The following POLR1E variants were observed in gnomAD, a reference collection of about 807,000 sequenced individuals.
The protein encoded by POLR1E is RNA polymerase I subunit E, also known as DNA-directed RNA polymerase I subunit RPA49.
A neutral mutation model predicts 50.9 loss-of-function variants in POLR1E; 37 were observed. That is an observed-to-expected ratio of 0.73 (90% confidence interval 0.56 to 0.96). The LOEUF is 0.96. POLR1E is among the 40% of genes least tolerant of loss of function. The pLI is 0.00. For missense variants in POLR1E, 426 were observed against 518.1 expected, an observed-to-expected ratio of 0.82 and a Z score of 1.73; for synonymous variants, 166 against 191.6, an observed-to-expected ratio of 0.87 and a Z score of 1.10.
intron 5 of POLR1E, among the ~76,000 whole-genome samples, 190 bp from the exon 6 acceptor site, chr9:37,493,369 G>T (rs1264175309): frequency 6.6e-6 from 1 of 152,166 alleles, no homozygotes; most frequent in Non-Finnish European, 1.5e-5. Flanking sequence ...AGATGCTGTT[G>T]ATTGATCAAT....
At chr9:37,490,580 C>G (rs7045332) in intron 4 of POLR1E, 265,574 of 708,944 alleles carry the variant, frequency 0.37, 53,579 homozygotes, top group African/African-American at 0.66. Flanking sequence ...CTTTCTTCAC[C>G]CGTTTCATGA....
Position 37,503,680 on chromosome 9 carries a change from T to C in POLR1E, c.*478T>C, listed in dbSNP as rs942433979. 6.6e-6 allele frequency: 1 copy of C among 152,176 alleles called. No individual in the cohort carries two copies. Among genetic ancestry groups the C allele is most frequent in the African/African-American group, 2.4e-5 (1 of 41,428 alleles). The allele number at this position is 152,176 out of a possible 1,614,324, so 9.4% of individuals were successfully genotyped here. ...TGTCTTATGCAGAAATATAAAGCGA[T>C]GGCCAGGTTGGACTTCATCTCTCTC... On this transcript the variant is annotated 3_prime_UTR_variant, in exon 12 of 12. Coordinates refer to ENST00000377798, the MANE Select transcript of POLR1E (RefSeq NM_022490.4).
intron 4 of POLR1E, chr9:37,492,282 G>A: frequency 1.5e-6 from 2 of 1,292,250 alleles, no homozygotes; most frequent in Non-Finnish European, 2.0e-6. Context: ...CTGCTTTTAG[G>A]TCTTTCACCA....
chr9:37,501,920 G>T, intron 11 of POLR1E, 76 bp downstream of exon 11: 1 of 1,468,980 alleles, frequency 6.8e-7, no homozygotes. Context: ...AAAGCATGAG[G>T]CACCACCAAG....
chr9:37,501,560 G>C (rs1480787953), intron 10 of POLR1E, among the ~76,000 whole-genome samples, 153 bp from the exon 11 acceptor site: 5 of 152,222 alleles, frequency 3.3e-5, no homozygotes, highest in Non-Finnish European at 7.3e-5. Context: ...AGGAACCTTG[G>C]AAGGGCAAAG....
At chr9:37,498,462 TC>T (rs1820823302) in intron 9 of POLR1E, among the ~76,000 whole-genome samples, 1 of 152,226 alleles carries the variant, frequency 6.6e-6, no homozygotes, top group Non-Finnish European at 1.5e-5. Context: ...ATATGATAGT[TC>T]AGGGTCCTTC....
chr9:37,488,923 GA>G (rs1820626762), intron 3 of POLR1E, among the ~76,000 whole-genome samples: 1 of 152,104 alleles, frequency 6.6e-6, no homozygotes, highest in Non-Finnish European at 1.5e-5. Flanking sequence ...TGTGTGGGCA[GA>G]GAGAAGGTTG....
chr9:37,491,566 C>T (rs768488928), intron 4 of POLR1E, among the ~76,000 whole-genome samples: 1 of 151,532 alleles, frequency 6.6e-6, no homozygotes, highest in Non-Finnish European at 1.5e-5. Context: ...CGGGTTCTAG[C>T]GATTTTCCTG....
intron 4 of POLR1E, 62 bp downstream of exon 4, chr9:37,489,462 G>T: frequency 8.7e-7 from 1 of 1,146,620 alleles, no homozygotes. Context: ...TGGATGAGTT[G>T]GCTTGAGTTT....
chr9:37,497,874 C>T (rs142365409), intron 8 of POLR1E, among the ~76,000 whole-genome samples: 12 of 152,248 alleles, frequency 7.9e-5, no homozygotes, highest in African/African-American at 2.6e-4. Context: ...GTGATCCTCC[C>T]GCCTCAGCCT....
chr9:37,493,484 C>A (rs953427908), intron 5 of POLR1E, 75 bp from the exon 6 acceptor site: 29 of 1,302,924 alleles, frequency 2.2e-5, no homozygotes, highest in Admixed American at 9.5e-5. Flanking sequence ...CTGAGAGTAT[C>A]CCCATAGTGA....
Position 37,495,903 on chromosome 9 carries a change from G to A in POLR1E, c.669G>A (p.Ala223=), listed in dbSNP as rs1376302442. 10 of 1,612,754 alleles carry A rather than the reference G, an allele frequency of 6.2e-6. No homozygotes were observed. Among genetic ancestry groups the A allele is most frequent in the South Asian group, 1.1e-5 (1 of 91,040 alleles). ...ACCTGTAACTAGTTCTTTCCCCTGC[G>A]GAGTATGAAGCTCTTCAGAGCCCAT... ...VYKFEDLLSP[A]EYEALQSPSE... is the part of the protein sequence containing the mutation. Residue 223 remains alanine (A), a synonymous_variant, in exon 8 of 12, where the codon GCG becomes GCA. Transcript: ENST00000377798.
At position 37,495,267 on chromosome 9, in the gene POLR1E, T is replaced by C. The variant is rs937865563; in HGVS notation, c.646T>C (p.Phe216Leu). The change falls in exon 7 of 12, where the codon TTT (phenylalanine) becomes CTT (leucine). Residue 216 changes from phenylalanine to leucine, a missense_variant. Transcript: ENST00000377798. ...DAAKPEDVYK[F>L]EDLLSPAEYE... ...AGCCAAGCCTGAAGACGTGTATAAA[T>C]TTGAAGATCGTATCCTTCTTGCAGT... 12 of 1,612,834 alleles carry C rather than the reference T, an allele frequency of 7.4e-6. No homozygotes were observed. Among genetic ancestry groups the C allele is most frequent in the Non-Finnish European group, 1.0e-5 (12 of 1,179,016 alleles).
intron 4 of POLR1E, among the ~76,000 whole-genome samples, chr9:37,491,926 G>C (rs1226059313): frequency 6.6e-6 from 1 of 152,150 alleles, no homozygotes; most frequent in Non-Finnish European, 1.5e-5. Context: ...TTAACGTGTT[G>C]ATTAAACATA....
Position 37,503,392 on chromosome 9 carries a change from C to A in POLR1E, c.*190C>A. ...AGGAGTTTGAAACCAGTCTGGACAA[C>A]ATAGGGAGACCCCATCTCTACCGGA... is the stretch of plus-strand genomic sequence containing the variant. On this transcript the variant is annotated 3_prime_UTR_variant, in exon 12 of 12. Transcript: ENST00000377798. The A allele has an allele frequency of 1.8e-6, 1 of 541,912 alleles. No individual in the cohort carries two copies. Among genetic ancestry groups the A allele is most frequent in the Non-Finnish European group, 3.0e-6 (1 of 337,514 alleles). The allele number at this position is 541,912 out of a possible 1,614,324, so 33.6% of individuals were successfully genotyped here.
intron 9 of POLR1E, among the ~76,000 whole-genome samples, chr9:37,498,763 G>A (rs1397204334): frequency 6.6e-6 from 1 of 152,146 alleles, no homozygotes; most frequent in African/African-American, 2.4e-5. Flanking sequence ...ACCCAGAGTT[G>A]GAAACCCAGA....
At position 37,493,644 on chromosome 9, in the gene POLR1E, C is replaced by T; in HGVS notation, c.488C>T (p.Ser163Phe). ...AGAATGAACAGAGTTGGCAATGAAT[C>T]TTTGAATCGTGCAGTGGCTAAAGCT... Reference protein sequence around the residue: ...TRRMNRVGNESLNRAVAKAAE... With the variant: ...TRRMNRVGNEFLNRAVAKAAE... The change falls in exon 6 of 12, where the codon TCT (serine) becomes TTT (phenylalanine). Residue 163 changes from serine to phenylalanine, a missense_variant. Transcript: ENST00000377798. 6.2e-7 allele frequency: 1 copy of T among 1,609,768 alleles called. No individual in the cohort carries two copies. Among genetic ancestry groups the T allele is most frequent in the Non-Finnish European group, 8.5e-7 (1 of 1,177,630 alleles).
Position 37,500,938 on chromosome 9 carries a change from T to C in POLR1E, c.968+17T>C, listed in dbSNP as rs1370099302. ...CAATGGCAGGTCAGGGGGTGGTTGCTGGGATTTTTCTTGTGCAGGAGAAAG... is the reference window on the plus strand; with the variant it reads ...CAATGGCAGGTCAGGGGGTGGTTGCCGGGATTTTTCTTGTGCAGGAGAAAG... On this transcript the variant is annotated intron_variant, in intron 10 of 11. Coordinates refer to ENST00000377798, the MANE Select transcript of POLR1E (RefSeq NM_022490.4). 6.2e-7 allele frequency: 1 copy of C among 1,603,842 alleles called. No individual in the cohort carries two copies. The highest frequency in any genetic ancestry group is 1.7e-5 in the Admixed American group (1 of 59,916).
At chr9:37,492,587 T>G in intron 4 of POLR1E, 70 bp from the exon 5 acceptor site, 1 of 1,374,146 alleles carries the variant, frequency 7.3e-7, no homozygotes, top group Non-Finnish European at 1.0e-6. Flanking sequence ...AAATGAATAT[T>G]AAACACTATT....
Sources: allele counts gnomAD v4.1 joint callset (sites outside exome capture counted in the v4.1 genomes callset), GRCh38; gene constraint gnomAD v4.1.1; transcripts MANE v1.5; gene names NCBI Gene and HGNC (gene_info 2026-07-23, HGNC 2026-07-21).